Variants in RAB4A observed in about 807,000 individuals in gnomAD.
RAB4A encodes the protein RAB4A, member RAS oncogene family.
In RAB4A, 20 loss-of-function variants were observed where a neutral mutation model predicts 34.5. The observed-to-expected ratio is 0.58, with a 90% CI of 0.41 to 0.84. The LOEUF is 0.84. Ranked by LOEUF, RAB4A falls within the 40% of genes least tolerant of loss-of-function variation. The pLI is 0.00. For synonymous variants in RAB4A, 102 were observed against 100.0 expected (o/e 1.02, Z -0.12); for missense variants, 228 against 274.5 (o/e 0.83, Z 1.20).
chr1:229,295,441 G>A (rs1445836445), intron 3 of RAB4A, among the ~76,000 whole-genome samples: 1 of 152,138 alleles, frequency 6.6e-6, no homozygotes, highest in Non-Finnish European at 1.5e-5. Flanking sequence ...ATTCCACCGC[G>A]CCGAGAGGTG....
intron 1 of RAB4A, among the ~76,000 whole-genome samples, chr1:229,273,149 G>A (rs1216643801): frequency 6.6e-6 from 1 of 152,174 alleles, no homozygotes; most frequent in African/African-American, 2.4e-5. Flanking sequence ...AAGCAAGTGG[G>A]GGTCATGAAT....
rs1044793030 is a variant in RAB4A, at chr1:229,305,446, C to T, written c.*1653C>T. ...TTATAAACGATCCTGTTAATTAAAC[C>T]ACAGACACCATATATCCTTCTGCAT... On this transcript the variant is annotated 3_prime_UTR_variant, in exon 8 of 8. Transcript: ENST00000366690. The T allele has an allele frequency of 1.5e-6, 1 of 672,014 alleles. No homozygotes were observed. The highest frequency in any genetic ancestry group is 2.4e-6 in the Non-Finnish European group (1 of 423,446). 41.6% of individuals were successfully genotyped at this position (672,014 alleles called of 1,614,324 possible).
chr1:229,277,208 A>G (rs1337895920), intron 1 of RAB4A, among the ~76,000 whole-genome samples: 2 of 150,872 alleles, frequency 1.3e-5, no homozygotes, highest in African/African-American at 5.0e-5. Context: ...TCAAAGACCC[A>G]ATCACGAACC....
At chr1:229,292,544 A>G (rs1313081826) in intron 3 of RAB4A, among the ~76,000 whole-genome samples, 1 of 152,092 alleles carries the variant, frequency 6.6e-6, no homozygotes, top group African/African-American at 2.4e-5. Flanking sequence ...TCCACTCTGC[A>G]CCTCTACCTG....
intron 3 of RAB4A, among the ~76,000 whole-genome samples, chr1:229,294,637 C>T (rs897376148): frequency 4.6e-5 from 7 of 152,142 alleles, no homozygotes; most frequent in South Asian, 2.1e-4. Flanking sequence ...GTCAAGAGTT[C>T]GAGACCAGCC....
intron 6 of RAB4A, among the ~76,000 whole-genome samples, chr1:229,302,617 C>G (rs1213065195): frequency 1.3e-5 from 2 of 149,970 alleles, no homozygotes; most frequent in Non-Finnish European, 3.0e-5. Flanking sequence ...ATGAAAAGTC[C>G]CCCTGTTACC....
At chr1:229,294,149 G>A (rs1230369868) in intron 3 of RAB4A, among the ~76,000 whole-genome samples, 4 of 152,198 alleles carry the variant, frequency 2.6e-5, no homozygotes, top group African/African-American at 9.7e-5. Flanking sequence ...CGGGCCTGGA[G>A]GGTGGGACCA....
In RAB4A at chr1:229,285,561, G is replaced by A. The variant is rs77212996; in HGVS notation, c.32-925G>A. Among the ~76,000 whole-genome samples the A allele has an allele frequency of 4.0e-3, 608 of 152,184 alleles. 4 individuals carry two copies. The Middle Eastern group carries it at 0.044, about 11-fold the overall frequency. On this transcript the variant is annotated intron_variant, in intron 1 of 7. Coordinates refer to ENST00000366690, the MANE Select transcript of RAB4A (RefSeq NM_004578.4). ...GACACTTTCAAAGCTACAAACAGGG[G>A]AGCCAGGAATACAGAGCAGAGCCTT...
intron 1 of RAB4A, among the ~76,000 whole-genome samples, chr1:229,285,654 G>A (rs532608327): frequency 3.3e-5 from 5 of 152,122 alleles, no homozygotes; most frequent in Middle Eastern, 3.2e-3. Flanking sequence ...AGGGTAAGGA[G>A]TGGACTTAGC....
Position 229,297,533 on chromosome 1 carries a change from A to C in RAB4A, c.342A>C (p.Leu114=). The C allele has an allele frequency of 6.2e-7, 1 of 1,612,466 alleles. No homozygotes were observed. Among genetic ancestry groups the C allele is most frequent in the Non-Finnish European group, 8.5e-7 (1 of 1,179,800 alleles). The change falls in exon 5 of 8, where the codon CTA becomes CTC. Residue 114 remains leucine, a synonymous_variant. Transcript: ENST00000366690. ...ATTGGTTAACAGATGCCCGAATGCTAGCGAGCCAGAACATTGTGATCATCC... is the reference window on the plus strand; with the variant it reads ...ATTGGTTAACAGATGCCCGAATGCTCGCGAGCCAGAACATTGTGATCATCC... ...LTNWLTDARM[L]ASQNIVIILC...
intron 3 of RAB4A, among the ~76,000 whole-genome samples, chr1:229,294,055 G>C (rs147602347): frequency 1.3e-5 from 2 of 152,302 alleles, no homozygotes; most frequent in African/African-American, 2.4e-5. Context: ...AGTGAATGTG[G>C]AGGTGCACAG....
chr1:229,284,635 C>T (rs1656876171), intron 1 of RAB4A, among the ~76,000 whole-genome samples: 1 of 152,092 alleles, frequency 6.6e-6, no homozygotes, highest in Non-Finnish European at 1.5e-5. Flanking sequence ...TCCTTTCTTT[C>T]TTATTGCTTT....
intron 1 of RAB4A, among the ~76,000 whole-genome samples, chr1:229,281,457 T>G (rs1238806954): frequency 1.3e-5 from 2 of 152,098 alleles, no homozygotes; most frequent in African/African-American, 4.8e-5. Context: ...GCCAGCCCTG[T>G]TTTTCTTTGA....
intron 3 of RAB4A, chr1:229,289,323 TTCAG>T (rs1374639593): frequency 6.5e-6 from 1 of 153,120 alleles, no homozygotes; most frequent in Non-Finnish European, 1.5e-5. Context: ...TCAGAATGAC[TTCAG>T]TCACTGCAAA....
chr1:229,287,049 A>C lies in RAB4A; in HGVS notation c.112+483A>C, dbSNP rs541505259. Among the ~76,000 whole-genome samples the C allele has an allele frequency of 2.5e-3, 380 of 152,306 alleles. 1 individual carries two copies. Among genetic ancestry groups the C allele is most frequent in the African/African-American group, 8.8e-3 (366 of 41,574 alleles). On this transcript the variant is annotated intron_variant, in intron 2 of 7. Transcript: ENST00000366690. ...TTCACTGTTTTGGTAAAGGAGGTTG[A>C]ATTTTTTATTTCAAACTATGTGAGA...
chr1:229,279,384 A>G (rs1656723360), intron 1 of RAB4A, among the ~76,000 whole-genome samples: 1 of 152,194 alleles, frequency 6.6e-6, no homozygotes, highest in African/African-American at 2.4e-5. Flanking sequence ...GTGCTGTGCT[A>G]TTACGGCCAC....
intron 1 of RAB4A, among the ~76,000 whole-genome samples, chr1:229,284,094 G>GTTTTTTTTTTTTTTTTTTTTTTTTTTTT (rs773213321): frequency 2.2e-5 from 1 of 45,902 alleles, no homozygotes; most frequent in Non-Finnish European, 3.8e-5. Context: ...GTGTTGTTTG[G>GTTTTTTTTTTTTTTTTTTTTTTTTTTTT]TTTTTTTTTT....
intron 1 of RAB4A, among the ~76,000 whole-genome samples, chr1:229,277,695 G>A (rs745994448): frequency 4.6e-5 from 7 of 150,988 alleles, no homozygotes; most frequent in African/African-American, 7.4e-5. Context: ...CAACAACTCC[G>A]CTCCACAGTT....
chr1:229,302,730 T>C, intron 6 of RAB4A, 132 bp from the exon 7 acceptor site: 1 of 611,720 alleles, frequency 1.6e-6, no homozygotes, highest in African/African-American at 1.9e-5. Context: ...ATATATATAG[T>C]TTTTTCCCTT....
Sources: allele counts gnomAD v4.1 joint callset (sites outside exome capture counted in the v4.1 genomes callset), GRCh38; gene constraint gnomAD v4.1.1; transcripts MANE v1.5; gene names NCBI Gene and HGNC (gene_info 2026-07-23, HGNC 2026-07-21).